ETV1: variants seen among roughly 807,000 people sequenced by gnomAD.
The protein encoded by ETV1 is ETS variant transcription factor 1, also known as ETS translocation variant 1.
A neutral mutation model predicts 62.3 loss-of-function variants in ETV1; 27 were observed. The observed-to-expected ratio is 0.43, with a 90% confidence interval of 0.32 to 0.60. ETV1 has a LOEUF of 0.60. ETV1 is among the 20% of genes least tolerant of loss of function. ETV1 has a pLI of 0.06. For synonymous variants in ETV1, 222 were observed against 199.6 expected (o/e 1.11, Z -0.94); for missense variants, 605 against 605.8 (o/e 1.00, Z 0.01).
intron 9 of ETV1, among the ~76,000 whole-genome samples, chr7:13,926,670 G>T (rs148387800): frequency 6.6e-6 from 1 of 152,238 alleles, no homozygotes; most frequent in Non-Finnish European, 1.5e-5. Flanking sequence ...CAAAAAATGT[G>T]TACTGCTTTA....
At chr7:13,984,540 A>C (rs1467962695) in intron 5 of ETV1, among the ~76,000 whole-genome samples, 1 of 152,022 alleles carries the variant, frequency 6.6e-6, no homozygotes, top group East Asian at 1.9e-4. Context: ...TTAGGTTTTA[A>C]ACATCACGTT....
At chr7:13,930,882 C>G (rs923848693) in intron 9 of ETV1, among the ~76,000 whole-genome samples, 3 of 151,778 alleles carry the variant, frequency 2.0e-5, no homozygotes, top group Non-Finnish European at 4.4e-5. Flanking sequence ...CTCACTGCAA[C>G]CTCTGCCTCC....
chr7:13,980,793 CTG>C (rs2128505731), intron 5 of ETV1, among the ~76,000 whole-genome samples: 1 of 151,034 alleles, frequency 6.6e-6, no homozygotes, highest in East Asian at 1.9e-4. Context: ...TTACTGTTTT[CTG>C]TCTTTTTGCT....
At position 13,988,163 on chromosome 7, in the gene ETV1, C is replaced by G. The variant is rs776051542; in HGVS notation, c.56G>C (p.Gly19Ala). 2 of 1,608,044 alleles carry G rather than the reference C, an allele frequency of 1.2e-6. No individual in the cohort carries two copies. Among genetic ancestry groups the G allele is most frequent in the Admixed American group, 3.3e-5 (2 of 59,994 alleles). The change falls in exon 4 of 14, where the codon GGG becomes GCG. Residue 19 changes from glycine to alanine, a missense_variant. Gly to Ala is a moderately conservative substitution (Grantham distance 60). Coordinates refer to ENST00000430479, the MANE Select transcript of ETV1 (RefSeq NM_004956.5). ...TGTTGGTTTCTCGTTACAATTTCTC[C>G]CACGCTGACTCTACAAAGGGAAAGA... is the stretch of plus-strand genomic sequence containing the variant. ...VPYMVTNSQRGRNCNEKPTNV... is the reference protein window; with the variant it reads ...VPYMVTNSQRARNCNEKPTNV...
chr7:13,935,864 C>A lies in ETV1; in HGVS notation c.398G>T (p.Arg133Met). The change falls in exon 8 of 14, where the codon AGG (arginine) becomes ATG (methionine). Residue 133 changes from arginine to methionine, a missense_variant. Around this residue, in one of 3 missense-constraint regions of ETV1, gnomAD observed 426 missense variants for 377.8 expected, o/e 1.13. Transcript: ENST00000430479. ...GGATGGTGTGGGGGGGTTGGAGGGCCTCATTCCCACTTGTGGCTTCTGATC... is the reference window on the plus strand; with the variant it reads ...GGATGGTGTGGGGGGGTTGGAGGGCATCATTCCCACTTGTGGCTTCTGATC... ...AYDQKPQVGM[R>M]PSNPPTPSST... 6.2e-7 allele frequency: 1 copy of A among 1,613,492 alleles called. No individual in the cohort carries two copies.
chr7:13,905,476 G>T (rs888189977), intron 12 of ETV1, among the ~76,000 whole-genome samples: 1 of 152,120 alleles, frequency 6.6e-6, no homozygotes, highest in Non-Finnish European at 1.5e-5. Context: ...AGTATCTTTA[G>T]TAATGAAGAC....
chr7:13,962,215 A>G (rs28570526), intron 6 of ETV1, among the ~76,000 whole-genome samples: 29,869 of 150,946 alleles, frequency 0.2, 5,141 homozygotes, highest in African/African-American at 0.46. Context: ...GTGTGTGTGT[A>G]TATATATAAA....
chr7:13,896,009 G>A lies in ETV1; in HGVS notation c.1291C>T (p.Arg431Cys). Residue 431 changes from arginine to cysteine, a missense_variant, in exon 14 of 14, where the codon CGT becomes TGT. Physicochemically the swap from Arg to Cys is radical, Grantham distance 180. Coordinates refer to ENST00000430479, the MANE Select transcript of ETV1 (RefSeq NM_004956.5). Reference protein sequence around the residue: ...LFSMAFPDNQRPLLKTDMERH... With the variant: ...LFSMAFPDNQCPLLKTDMERH... ...TCCATGTCTGTCTTCAGCAGTGGAC[G>A]CTGATTATCTGGAAAGGCCATGGAG... 3 of 1,613,730 alleles carry A rather than the reference G, an allele frequency of 1.9e-6. No individual in the cohort carries two copies. Among genetic ancestry groups the A allele is most frequent in the Non-Finnish European group, 2.5e-6 (3 of 1,179,808 alleles).
At chr7:13,913,178 T>A (rs1783726977) in intron 9 of ETV1, among the ~76,000 whole-genome samples, 1 of 152,238 alleles carries the variant, frequency 6.6e-6, no homozygotes, top group Non-Finnish European at 1.5e-5. Flanking sequence ...ATGCATTCAG[T>A]TCTGTTTCTT....
chr7:13,941,884 A>C (rs1298005337), intron 6 of ETV1, among the ~76,000 whole-genome samples: 1 of 74,850 alleles, frequency 1.3e-5, no homozygotes, highest in African/African-American at 3.6e-5. Flanking sequence ...TAAATAAATA[A>C]ATAAATAAAT....
At chr7:13,921,303 G>A (rs759013417) in intron 9 of ETV1, among the ~76,000 whole-genome samples, 2 of 152,248 alleles carry the variant, frequency 1.3e-5, no homozygotes, top group East Asian at 1.9e-4. Context: ...TGCTGCCCTG[G>A]AAATTACTAA....
rs1057321227 is a variant in ETV1 at position 13,895,117 on chromosome 7, G to C, written c.*749C>G. The C allele has an allele frequency of 1.3e-5, 3 of 233,264 alleles. No individual in the cohort carries two copies. The highest frequency in any genetic ancestry group is 2.5e-5 in the Non-Finnish European group (3 of 117,884). The allele number at this position is 233,264 out of a possible 1,614,324, so 14.4% of individuals were successfully genotyped here. A position where few individuals can be genotyped will look rare whatever the true frequency, so the allele number is the denominator to read the frequency against. ...AAATATTTAAAAGACGGTATGATTT[G>C]TATCTAAACAGCAAGGTGGCACCAG... On this transcript the variant is annotated 3_prime_UTR_variant, in exon 14 of 14. Transcript: ENST00000430479.
intron 9 of ETV1, among the ~76,000 whole-genome samples, chr7:13,912,446 A>G (rs1379460745): frequency 1.4e-5 from 2 of 144,626 alleles, no homozygotes; most frequent in Non-Finnish European, 3.2e-5. Context: ...TGCTATATTT[A>G]CTTTATAACA....
At chr7:13,966,173 C>A (rs1328651891) in intron 6 of ETV1, among the ~76,000 whole-genome samples, 1 of 152,116 alleles carries the variant, frequency 6.6e-6, no homozygotes, top group African/African-American at 2.4e-5. Flanking sequence ...TAATACTTAA[C>A]AGTAGAGTAC....
chr7:13,944,893 C>G (rs1379324191), intron 6 of ETV1, among the ~76,000 whole-genome samples: 1 of 152,144 alleles, frequency 6.6e-6, no homozygotes, highest in South Asian at 2.1e-4. Context: ...CACAGGGAGA[C>G]TGCTACGTGA....
intron 6 of ETV1, among the ~76,000 whole-genome samples, chr7:13,955,919 C>T (rs763318630): frequency 1.4e-4 from 22 of 152,130 alleles, no homozygotes; most frequent in Non-Finnish European, 2.5e-4. Flanking sequence ...AGCCAAATTA[C>T]AGTATTTCAT....
intron 12 of ETV1, among the ~76,000 whole-genome samples, chr7:13,902,124 A>G (rs944153257): frequency 3.9e-5 from 6 of 152,146 alleles, no homozygotes; most frequent in Non-Finnish European, 5.9e-5. Context: ...AGGCAACCCC[A>G]AGAGGACATT....
chr7:13,972,166 A>G (rs1332332509), intron 6 of ETV1, among the ~76,000 whole-genome samples: 2 of 152,124 alleles, frequency 1.3e-5, no homozygotes, highest in Non-Finnish European at 2.9e-5. Flanking sequence ...AAGGCTGGGT[A>G]TGATGGCTCA....
chr7:13,911,118 G>A (rs1304047239), intron 10 of ETV1, 121 bp downstream of exon 10: 2 of 684,582 alleles, frequency 2.9e-6, no homozygotes, highest in Non-Finnish European at 2.6e-6. Context: ...TAAAACAATT[G>A]CTTAGGGAAC....
Sources: allele counts gnomAD v4.1 joint callset (sites outside exome capture counted in the v4.1 genomes callset), GRCh38; gene constraint gnomAD v4.1.1; regional missense constraint gnomAD v4.1.1; transcripts MANE v1.5; gene names NCBI Gene and HGNC (gene_info 2026-07-23, HGNC 2026-07-21).